FBXO48: variants seen among roughly 807,000 people sequenced by gnomAD.
FBXO48 encodes the protein F-box only protein 48.
A neutral mutation model predicts 14.3 loss-of-function variants in FBXO48; 12 were observed. That is an observed-to-expected ratio of 0.84 (90% CI 0.54 to 1.36). The LOEUF (loss-of-function observed/expected upper bound fraction) is 1.36. Among genes scored for constraint, FBXO48 ranks in the 40% most tolerant of loss-of-function variants. The pLI is 0.00. For missense variants in FBXO48, 177 were observed against 179.1 expected (o/e 0.99, Z 0.07); for synonymous variants, 53 against 61.7 (o/e 0.86, Z 0.66).
At chr2:68,466,637 A>G (rs1675424170) in intron 1 of FBXO48, among the ~76,000 whole-genome samples, 167 bp from the exon 2 acceptor site, 1 of 152,112 alleles carries the variant, frequency 6.6e-6, no homozygotes, top group South Asian at 2.1e-4. Context: ...GTGCATTTAA[A>G]CGTTACAGTG....
At position 68,459,830 on chromosome 2, in the gene FBXO48, T is replaced by C. The variant is rs1005539709; in HGVS notation, c.*4379A>G. On this transcript the variant is annotated 3_prime_UTR_variant, in exon 4 of 4. Coordinates refer to ENST00000377957, the MANE Select transcript of FBXO48 (RefSeq NM_001024680.3). The stretch of plus-strand genomic sequence containing the variant: ...ATATGACAGTTTTGAGAGAGGTCTA[T>C]ACAAAGAACTACAAGAACATCTAAA... 1.3e-5 allele frequency: 2 copies of C among 152,160 alleles called. No individual in the cohort carries two copies. Among genetic ancestry groups the C allele is most frequent in the African/African-American group, 4.8e-5 (2 of 41,438 alleles). 9.4% of individuals were successfully genotyped at this position (152,160 alleles called of 1,614,324 possible).
intron 2 of FBXO48, among the ~76,000 whole-genome samples, chr2:68,465,537 G>GA (rs577976078): frequency 0.033 from 3,951 of 117,984 alleles, 62 homozygotes; most frequent in South Asian, 0.058. Flanking sequence ...AAAAAAAAAA[G>GA]AAAAAAAAAA....
intron 2 of FBXO48, among the ~76,000 whole-genome samples, chr2:68,465,869 G>C (rs1675395920): frequency 1.3e-5 from 2 of 152,170 alleles, no homozygotes; most frequent in South Asian, 4.1e-4. Context: ...GTAGGTAGGT[G>C]CTTACATTTG....
chr2:68,464,357 C>T lies in FBXO48; in HGVS notation c.320G>A (p.Arg107Lys). The T allele has an allele frequency of 6.2e-7, 1 of 1,613,652 alleles. No individual in the cohort carries two copies. Among genetic ancestry groups the T allele is most frequent in the Non-Finnish European group, 8.5e-7 (1 of 1,179,904 alleles). The change falls in exon 4 of 4, where the codon AGG becomes AAG. Residue 107 changes from arginine to lysine, a missense_variant. By Grantham distance (26) the Arg-to-Lys change is conservative. Coordinates refer to ENST00000377957, the MANE Select transcript of FBXO48 (RefSeq NM_001024680.3). Reference sequence around the variant, plus strand: ...TTTCACTTTACTCTTCTGGTAATTCCTCAGCAGTATCACCTGAAAGAGGTA... The same window carrying T: ...TTTCACTTTACTCTTCTGGTAATTCTTCAGCAGTATCACCTGAAAGAGGTA... ...SGYSWRVILL[R>K]NYQKSKVKHE...
Position 68,462,408 on chromosome 2 carries a change from AGC to A in FBXO48, c.*1799_*1800del, listed in dbSNP as rs1675288439. On this transcript the variant is annotated 3_prime_UTR_variant, in exon 4 of 4. Transcript: ENST00000377957. ...GTTTCACTCTTGTTGCCCAGGCTGGAGCGCAGTGGCGTGATCTCTGCTCACTG... is the reference window on the plus strand; with the variant it reads ...GTTTCACTCTTGTTGCCCAGGCTGGAGCAGTGGCGTGATCTCTGCTCACTG... The A allele has an allele frequency of 6.6e-6, 1 of 152,004 alleles. No homozygotes were observed. Among genetic ancestry groups the A allele is most frequent in the Non-Finnish European group, 1.5e-5 (1 of 68,028 alleles). 9.4% of individuals were successfully genotyped at this position (152,004 alleles called of 1,614,324 possible). A position where few individuals can be genotyped will look rare whatever the true frequency, so the allele number is the denominator to read the frequency against.
chr2:68,460,427 G>C lies in FBXO48; in HGVS notation c.*3782C>G, dbSNP rs986939605. ...AGTAAAATATGGTGATTTTCTAACA[G>C]GACATGCCATTCACTGAGATAGGAA... On this transcript the variant is annotated 3_prime_UTR_variant, in exon 4 of 4. Coordinates refer to ENST00000377957, the MANE Select transcript of FBXO48 (RefSeq NM_001024680.3). 1 of 152,010 alleles carries C rather than the reference G, an allele frequency of 6.6e-6. No homozygotes were observed. Among genetic ancestry groups the C allele is most frequent in the African/African-American group, 2.4e-5 (1 of 41,386 alleles). The allele number at this position is 152,010 out of a possible 1,614,324, so 9.4% of individuals were successfully genotyped here.
rs924636377 is a variant in FBXO48, at chr2:68,461,287, CTTTTTTTTTTT to C, written c.*2911_*2921del. 1 of 119,628 alleles carries C rather than the reference CTTTTTTTTTTT, an allele frequency of 8.4e-6. No homozygotes were observed. Among genetic ancestry groups the C allele is most frequent in the Non-Finnish European group, 1.7e-5 (1 of 59,908 alleles). The allele number at this position is 119,628 out of a possible 1,614,324, so 7.4% of individuals were successfully genotyped here. ...CTTACTTAAGATCCGTTTTCGTTTTCTTTTTTTTTTTTTTTTTTTTGAGACGGAGTCTCGCT... is the reference window on the plus strand; with the variant it reads ...CTTACTTAAGATCCGTTTTCGTTTTCTTTTTTTTTGAGACGGAGTCTCGCT... On this transcript the variant is annotated 3_prime_UTR_variant, in exon 4 of 4. Coordinates refer to ENST00000377957, the MANE Select transcript of FBXO48 (RefSeq NM_001024680.3).
At position 68,463,138 on chromosome 2, in the gene FBXO48, T is replaced by C. The variant is rs531681899; in HGVS notation, c.*1071A>G. On this transcript the variant is annotated 3_prime_UTR_variant, in exon 4 of 4. Coordinates refer to ENST00000377957, the MANE Select transcript of FBXO48 (RefSeq NM_001024680.3). ...ATCTTTCTAATATTTGCCTATTTGTTAAATATTGGTTTCCTGGATTCTTAT... is the reference window on the plus strand; with the variant it reads ...ATCTTTCTAATATTTGCCTATTTGTCAAATATTGGTTTCCTGGATTCTTAT... 7.2e-5 allele frequency: 11 copies of C among 152,288 alleles called. No individual in the cohort carries two copies. The South Asian group carries it at 2.1e-3, about 29-fold the overall frequency. The allele number at this position is 152,288 out of a possible 1,614,324, so 9.4% of individuals were successfully genotyped here.
intron 2 of FBXO48, among the ~76,000 whole-genome samples, chr2:68,465,537 GAAA>G (rs577976078): frequency 8.5e-6 from 1 of 118,128 alleles, no homozygotes; most frequent in East Asian, 2.5e-4. Flanking sequence ...AAAAAAAAAA[GAAA>G]AAAAAAAAAA....
At position 68,461,627 on chromosome 2, in the gene FBXO48, G is replaced by C. The variant is rs1011949868; in HGVS notation, c.*2582C>G. Reference sequence around the variant, plus strand: ...CGTTTTCTTTGTGTGGCAGGGAACAGTTTCATCAGCAAAGAGGAAAGGGCT... The same window carrying C: ...CGTTTTCTTTGTGTGGCAGGGAACACTTTCATCAGCAAAGAGGAAAGGGCT... On this transcript the variant is annotated 3_prime_UTR_variant, in exon 4 of 4. Coordinates refer to ENST00000377957, the MANE Select transcript of FBXO48 (RefSeq NM_001024680.3). The C allele has an allele frequency of 6.6e-6, 1 of 152,004 alleles. No homozygotes were observed. Among genetic ancestry groups the C allele is most frequent in the Non-Finnish European group, 1.5e-5 (1 of 68,164 alleles). The allele number at this position is 152,004 out of a possible 1,614,324, so 9.4% of individuals were successfully genotyped here. A position where few individuals can be genotyped will look rare whatever the true frequency, so the allele number is the denominator to read the frequency against.
intron 3 of FBXO48, 31 bp from the exon 4 acceptor site, chr2:68,464,401 CTG>C (rs770098566): frequency 6.2e-7 from 1 of 1,606,602 alleles, no homozygotes; most frequent in East Asian, 2.2e-5. Context: ...TTAAAAAAGA[CTG>C]TAGTAGGTGG....
At chr2:68,464,749 TTC>T (rs1321196511) in intron 3 of FBXO48, 89 bp downstream of exon 3, 3 of 923,110 alleles carry the variant, frequency 3.2e-6, no homozygotes, top group African/African-American at 3.3e-5. Flanking sequence ...GCATATGTAA[TTC>T]TGACTCCTCC....
intron 2 of FBXO48, among the ~76,000 whole-genome samples, chr2:68,465,565 C>T (rs566234625): frequency 2.7e-5 from 4 of 147,170 alleles, no homozygotes; most frequent in Admixed American, 2.7e-4. Context: ...AAACCAAAAA[C>T]TGTTTTACGG....
At position 68,464,082 on chromosome 2, in the gene FBXO48, G is replaced by T; in HGVS notation, c.*127C>A. On this transcript the variant is annotated 3_prime_UTR_variant, in exon 4 of 4. Transcript: ENST00000377957. ...AAAATAAAGCTTTACTTTTATAATA[G>T]TTCCATTTCATTTTCTTTTAAAAAG... is the stretch of plus-strand genomic sequence containing the variant. The T allele has an allele frequency of 1.1e-6, 1 of 872,414 alleles. No individual in the cohort carries two copies. The highest frequency in any genetic ancestry group is 1.7e-6 in the Non-Finnish European group (1 of 577,576). 54.0% of individuals were successfully genotyped at this position (872,414 alleles called of 1,614,324 possible). A position where few individuals can be genotyped will look rare whatever the true frequency, so the allele number is the denominator to read the frequency against.
At position 68,460,750 on chromosome 2, in the gene FBXO48, G is replaced by C. The variant is rs1485154614; in HGVS notation, c.*3459C>G. The C allele has an allele frequency of 6.6e-6, 1 of 152,158 alleles. No homozygotes were observed. The highest frequency in any genetic ancestry group is 2.4e-5 in the African/African-American group (1 of 41,420). 9.4% of individuals were successfully genotyped at this position (152,158 alleles called of 1,614,324 possible). On this transcript the variant is annotated 3_prime_UTR_variant, in exon 4 of 4. Transcript: ENST00000377957. ...GATGACAACAGGTGGAACTTTGGGGGAACACTAACATGTAATGAGTAGGTG... is the reference window on the plus strand; with the variant it reads ...GATGACAACAGGTGGAACTTTGGGGCAACACTAACATGTAATGAGTAGGTG...
chr2:68,464,413 G>A (rs2103853710), intron 3 of FBXO48, 43 bp from the exon 4 acceptor site: 1 of 1,583,852 alleles, frequency 6.3e-7, no homozygotes, highest in South Asian at 1.1e-5. Context: ...GTAGTAGGTG[G>A]TTGGTTAGTG....
In FBXO48 at chr2:68,466,280, T is replaced by C. The variant is rs1190247650; in HGVS notation, c.-170A>G. Reference sequence around the variant, plus strand: ...TTATTCCATTTTGCACTTCCTTTTATAACGGGGGTTGGTTGTGCAAGAGGA... The same window carrying C: ...TTATTCCATTTTGCACTTCCTTTTACAACGGGGGTTGGTTGTGCAAGAGGA... On this transcript the variant is annotated 5_prime_UTR_variant, in exon 2 of 4. Coordinates refer to ENST00000377957, the MANE Select transcript of FBXO48 (RefSeq NM_001024680.3). The C allele has an allele frequency of 6.6e-6, 1 of 152,252 alleles. No individual in the cohort carries two copies. The highest frequency in any genetic ancestry group is 1.5e-5 in the Non-Finnish European group (1 of 68,042). 9.4% of individuals were successfully genotyped at this position (152,252 alleles called of 1,614,324 possible). A position where few individuals can be genotyped will look rare whatever the true frequency, so the allele number is the denominator to read the frequency against.
In FBXO48 at chr2:68,467,196, G is replaced by A. The variant is rs1377166273; in HGVS notation, c.-361+15C>T. 4 of 152,296 alleles carry A rather than the reference G, an allele frequency of 2.6e-5. No homozygotes were observed. Among genetic ancestry groups the A allele is most frequent in the African/African-American group, 7.2e-5 (3 of 41,480 alleles). The allele number at this position is 152,296 out of a possible 1,614,324, so 9.4% of individuals were successfully genotyped here. A position where few individuals can be genotyped will look rare whatever the true frequency, so the allele number is the denominator to read the frequency against. On this transcript the variant is annotated intron_variant, in intron 1 of 3. Transcript: ENST00000377957. ...GACACCTAAGCCAACGGGAACGGAA[G>A]ACCCTTCTACCTACTAGGCCGCGGT...
intron 2 of FBXO48, among the ~76,000 whole-genome samples, chr2:68,465,877 T>C (rs2103856635): frequency 6.6e-6 from 1 of 152,344 alleles, no homozygotes; most frequent in East Asian, 1.9e-4. Flanking sequence ...GTGCTTACAT[T>C]TGACACAACT....
Sources: gnomAD v4.1 joint callset for allele counts (sites outside exome capture counted in the v4.1 genomes callset) on GRCh38, gnomAD v4.1.1 for gene constraint, MANE v1.5 for transcripts, NCBI Gene and HGNC (gene_info 2026-07-23, HGNC 2026-07-21) for gene names.